The following KCNG2 variants were observed in gnomAD, a reference collection of about 807,000 sequenced individuals.
KCNG2 encodes the protein voltage-gated potassium channel regulatory subunit KCNG2.
In KCNG2, 7 loss-of-function variants were observed where a neutral mutation model predicts 12.3. The observed-to-expected ratio is 0.57, with a 90% CI of 0.32 to 1.07. KCNG2 has a LOEUF of 1.07. Among genes scored for constraint, KCNG2 ranks in the 50% least tolerant of loss-of-function variants. The probability of loss-of-function intolerance (pLI) is 0.04; values close to 1 mark genes in which losing one functional copy is unlikely to be tolerated. For missense variants in KCNG2, 703 were observed against 726.0 expected (o/e 0.97, Z 0.36); for synonymous variants, 414 against 351.4 (o/e 1.18, Z -1.99).
At chr18:79,798,345 G>A (rs2087380058) in intron 1 of KCNG2, among the ~76,000 whole-genome samples, 1 of 152,100 alleles carries the variant, frequency 6.6e-6, no homozygotes, top group Admixed American at 6.5e-5. Context: ...TGGAGGTCTC[G>A]GCCGCGGATC....
At chr18:79,858,724 C>T (rs1034215488) in intron 2 of KCNG2, among the ~76,000 whole-genome samples, 14 of 152,008 alleles carry the variant, frequency 9.2e-5, no homozygotes, top group Admixed American at 7.2e-4. Context: ...TCCTTTCCAA[C>T]ACTTGTTGGG....
chr18:79,877,521 G>A lies in KCNG2; in HGVS notation c.624+13230G>A, dbSNP rs578071841. 2.0e-4 allele frequency among the ~76,000 whole-genome samples: 31 copies of A among 152,190 alleles called. No individual in the cohort carries two copies. The South Asian group carries it at 4.4e-3, about 21-fold the overall frequency. The stretch of plus-strand genomic sequence containing the variant: ...GTCCCTGCATGCTGAGCCCTCCCTC[G>A]CCGTTGGGGACAAGTGCACCCAGCC... On this transcript the variant is annotated intron_variant, in intron 3 of 3. Transcript: ENST00000316249.
At chr18:79,894,925 C>G (rs199833204) in intron 3 of KCNG2, among the ~76,000 whole-genome samples, 1 of 144,748 alleles carries the variant, frequency 6.9e-6, no homozygotes, top group Non-Finnish European at 1.5e-5. Context: ...TTGGGTTGTT[C>G]ACTCCATTCA....
chr18:79,831,737 G>C (rs28635497), intron 1 of KCNG2, among the ~76,000 whole-genome samples: 3 of 75,554 alleles, frequency 4.0e-5, no homozygotes, highest in East Asian at 4.4e-4. Flanking sequence ...TCATCAGGAG[G>C]GTTCCCTGCG....
At chr18:79,854,661 G>T (rs1371872003) in intron 1 of KCNG2, among the ~76,000 whole-genome samples, 2 of 151,968 alleles carry the variant, frequency 1.3e-5, no homozygotes, top group Non-Finnish European at 2.9e-5. Context: ...GAGTAGCTGG[G>T]ACTACAGGTG....
At chr18:79,802,106 T>C (rs571821565) in intron 1 of KCNG2, among the ~76,000 whole-genome samples, 24 of 152,370 alleles carry the variant, frequency 1.6e-4, no homozygotes, top group Non-Finnish European at 3.2e-4. Context: ...ACAGAAAATA[T>C]GAGCATTTCA....
At chr18:79,812,950 G>C (rs1379095052) in intron 1 of KCNG2, among the ~76,000 whole-genome samples, 1 of 152,202 alleles carries the variant, frequency 6.6e-6, no homozygotes, top group Non-Finnish European at 1.5e-5. Context: ...GAGGTCAGGA[G>C]TTTGAGACCA....
intron 3 of KCNG2, among the ~76,000 whole-genome samples, chr18:79,873,849 TG>T (rs2086178414): frequency 6.6e-6 from 1 of 152,150 alleles, no homozygotes; most frequent in Admixed American, 6.5e-5. Context: ...AGGCAGCAGC[TG>T]CGGTGTCCAG....
intron 3 of KCNG2, among the ~76,000 whole-genome samples, chr18:79,882,726 C>T (rs1258739011): frequency 1.3e-5 from 2 of 150,528 alleles, no homozygotes; most frequent in African/African-American, 2.4e-5. Context: ...CATGGAGTGG[C>T]GAGGCTGCCA....
chr18:79,849,420 A>C (rs1978737986), intron 1 of KCNG2, among the ~76,000 whole-genome samples: 1 of 151,742 alleles, frequency 6.6e-6, no homozygotes. Context: ...CCCCCATCTG[A>C]CCCCATCCTC....
rs1330597276 is a variant in KCNG2 at position 79,863,658 on chromosome 18, G to A, written c.-10G>A. On this transcript the variant is annotated 5_prime_UTR_variant, in exon 3 of 4. Transcript: ENST00000316249. ...GGGCAGGAGCCCCTCGGTCCGGTCC[G>A]GCCCTGCGCATGGAGCCATGGCCCT... 2 of 1,211,488 alleles carry A rather than the reference G, an allele frequency of 1.7e-6. No homozygotes were observed. Among genetic ancestry groups the A allele is most frequent in the Non-Finnish European group, 2.1e-6 (2 of 973,842 alleles). 75.0% of individuals were successfully genotyped at this position (1,211,488 alleles called of 1,614,324 possible).
intron 1 of KCNG2, among the ~76,000 whole-genome samples, chr18:79,825,838 C>CACCTG (rs1335165490): frequency 3.3e-5 from 5 of 151,978 alleles, no homozygotes; most frequent in Admixed American, 3.3e-4. Context: ...AAGTAAAAAT[C>CACCTG]ACCTGACCTG....
At chr18:79,844,024 A>C (rs1486890415) in intron 1 of KCNG2, among the ~76,000 whole-genome samples, 2 of 152,248 alleles carry the variant, frequency 1.3e-5, no homozygotes, top group Non-Finnish European at 2.9e-5. Context: ...CTGAAAGTGA[A>C]AGAGACAGAA....
At chr18:79,848,412 G>T (rs373879202) in intron 1 of KCNG2, among the ~76,000 whole-genome samples, 1 of 152,180 alleles carries the variant, frequency 6.6e-6, no homozygotes. Flanking sequence ...GTTGCCGCTC[G>T]GGCTCCTGCA....
chr18:79,836,391 A>G (rs1300641471), intron 1 of KCNG2, among the ~76,000 whole-genome samples: 1 of 152,230 alleles, frequency 6.6e-6, no homozygotes, highest in African/African-American at 2.4e-5. Context: ...GACAGAGTTT[A>G]AAGTAGAAAC....
intron 1 of KCNG2, among the ~76,000 whole-genome samples, chr18:79,849,023 G>A (rs962243996): frequency 2.6e-5 from 4 of 152,100 alleles, no homozygotes; most frequent in Non-Finnish European, 5.9e-5. Flanking sequence ...TCCTGGACAC[G>A]GGACCCGTGC....
At chr18:79,854,230 C>T (rs1027858055) in intron 1 of KCNG2, among the ~76,000 whole-genome samples, 2 of 152,230 alleles carry the variant, frequency 1.3e-5, no homozygotes, top group African/African-American at 4.8e-5. Flanking sequence ...TGTCCCAGCC[C>T]CGTTCACCAG....
intron 2 of KCNG2, among the ~76,000 whole-genome samples, chr18:79,857,924 A>AT (rs1183370096): frequency 6.6e-6 from 1 of 151,894 alleles, no homozygotes; most frequent in Non-Finnish European, 1.5e-5. Context: ...GTCACTCCCC[A>AT]TCGCCCCTCT....
At chr18:79,889,398 T>A (rs1001224127) in intron 3 of KCNG2, among the ~76,000 whole-genome samples, 1 of 152,254 alleles carries the variant, frequency 6.6e-6, no homozygotes, top group African/African-American at 2.4e-5. Context: ...AACAAATTGT[T>A]CTTTCTCTAT....
Sources: gnomAD v4.1 joint callset for allele counts (sites outside exome capture counted in the v4.1 genomes callset) on GRCh38, gnomAD v4.1.1 for gene constraint, MANE v1.5 for transcripts, NCBI Gene and HGNC (gene_info 2026-07-23, HGNC 2026-07-21) for gene names.